Variants in MGAT5 observed in about 807,000 individuals in gnomAD.
MGAT5 encodes alpha-1,6-mannosylglycoprotein 6-beta-N-acetylglucosaminyltransferase A.
In MGAT5, 30 loss-of-function variants were observed where a neutral mutation model predicts 94.3. That is an observed-to-expected ratio of 0.32 (90% CI 0.24 to 0.43). The LOEUF (loss-of-function observed/expected upper bound fraction) is 0.43, where lower values mean the gene tolerates loss of function less well. Among genes scored for constraint, MGAT5 ranks in the 20% least tolerant of loss-of-function variants. MGAT5 has a pLI of 1.00. For synonymous variants in MGAT5, 310 were observed against 322.9 expected, an observed-to-expected ratio of 0.96 and a Z score of 0.43; for missense variants, 691 against 905.5, an observed-to-expected ratio of 0.76 and a Z score of 3.04.
intron 1 of MGAT5, among the ~76,000 whole-genome samples, chr2:134,236,568 G>C (rs1442606138): frequency 1.3e-5 from 2 of 152,064 alleles, no homozygotes; most frequent in Non-Finnish European, 2.9e-5. Context: ...GGCACTTCTT[G>C]CTGCCACCAT....
At chr2:134,421,985 TAC>T (rs1329161010) in intron 12 of MGAT5, among the ~76,000 whole-genome samples, 4 of 149,792 alleles carry the variant, frequency 2.7e-5, no homozygotes, top group African/African-American at 7.4e-5. Flanking sequence ...CTGGGCAACA[TAC>T]AGAGACCGTG....
At chr2:134,313,037 A>AACACACACACAC (rs201311442) in intron 2 of MGAT5, among the ~76,000 whole-genome samples, 2 of 139,192 alleles carry the variant, frequency 1.4e-5, no homozygotes, top group African/African-American at 5.6e-5. Context: ...GCAAGAAATA[A>AACACACACACAC]ACACACACAC....
chr2:134,257,810 A>G, intron 1 of MGAT5, among the ~76,000 whole-genome samples: 1 of 135,104 alleles, frequency 7.4e-6, no homozygotes, highest in Admixed American at 7.7e-5. Flanking sequence ...AGTGATGTGG[A>G]TGCATAGGCC....
chr2:134,368,640 T>C (rs116809708), intron 10 of MGAT5, among the ~76,000 whole-genome samples: 2,893 of 152,342 alleles, frequency 0.019, 41 homozygotes, highest in Non-Finnish European at 0.032. Context: ...AGTGATCTTT[T>C]CTAAAATGCA....
intron 11 of MGAT5, among the ~76,000 whole-genome samples, chr2:134,410,724 T>C (rs376057672): frequency 5.9e-5 from 9 of 152,346 alleles, no homozygotes; most frequent in South Asian, 2.1e-4. Flanking sequence ...TAGACAAACA[T>C]TGTGCTGCTT....
At chr2:134,344,839 T>A in intron 7 of MGAT5, 91 bp from the exon 8 acceptor site, 1 of 1,463,940 alleles carries the variant, frequency 6.8e-7, no homozygotes, top group Non-Finnish European at 9.3e-7. Context: ...ATTTTTGGGG[T>A]GGCATTTGCC....
intron 1 of MGAT5, among the ~76,000 whole-genome samples, chr2:134,155,458 T>C (rs1687431207): frequency 6.6e-6 from 1 of 152,226 alleles, no homozygotes; most frequent in African/African-American, 2.4e-5. Flanking sequence ...CTGAATTGAA[T>C]TGTGTCCTCA....
chr2:134,232,038 C>G (rs6749983), intron 1 of MGAT5, among the ~76,000 whole-genome samples: 13,693 of 152,214 alleles, frequency 0.09, 623 homozygotes, highest in East Asian at 0.15. Context: ...GACATGTCAC[C>G]TTTTCCTCAG....
intron 15 of MGAT5, among the ~76,000 whole-genome samples, chr2:134,446,505 A>C (rs943960625): frequency 3.3e-5 from 5 of 152,096 alleles, no homozygotes; most frequent in Admixed American, 3.3e-4. Context: ...TGTCATTCAG[A>C]ATTGAGTTCC....
At chr2:134,379,752 C>A (rs1443981501) in intron 10 of MGAT5, among the ~76,000 whole-genome samples, 1 of 152,202 alleles carries the variant, frequency 6.6e-6, no homozygotes, top group Non-Finnish European at 1.5e-5. Context: ...AAAATGTGAA[C>A]GTTTGGATGG....
intron 2 of MGAT5, among the ~76,000 whole-genome samples, chr2:134,298,242 T>C (rs1685802950): frequency 6.6e-6 from 1 of 152,062 alleles, no homozygotes; most frequent in Non-Finnish European, 1.5e-5. Context: ...ATTACAGACA[T>C]ATGCTACCAT....
intron 1 of MGAT5, among the ~76,000 whole-genome samples, chr2:134,194,680 G>A (rs1238423458): frequency 2.0e-5 from 3 of 152,094 alleles, no homozygotes; most frequent in African/African-American, 4.8e-5. Context: ...GATACTTCAA[G>A]GTAGATATAG....
intron 1 of MGAT5, among the ~76,000 whole-genome samples, chr2:134,183,070 G>A (rs1008828533): frequency 5.3e-5 from 8 of 152,204 alleles, no homozygotes; most frequent in East Asian, 1.9e-4. Context: ...GATTACAGGC[G>A]TGAGCCACCG....
At chr2:134,264,017 G>GTTTTTTTTTT (rs763608726) in intron 1 of MGAT5, among the ~76,000 whole-genome samples, 36 of 108,930 alleles carry the variant, frequency 3.3e-4, no homozygotes, top group East Asian at 1.2e-3. Context: ...ATGCCATTAG[G>GTTTTTTTTTT]TTTTTTTTTT....
At chr2:134,196,661 G>T (rs943034433) in intron 1 of MGAT5, among the ~76,000 whole-genome samples, 3 of 152,228 alleles carry the variant, frequency 2.0e-5, no homozygotes, top group Non-Finnish European at 4.4e-5. Flanking sequence ...TTTAGAGCAA[G>T]CTTGTCCAGA....
chr2:134,298,558 T>C (rs906456275), intron 2 of MGAT5, among the ~76,000 whole-genome samples: 1 of 152,208 alleles, frequency 6.6e-6, no homozygotes, highest in Non-Finnish European at 1.5e-5. Flanking sequence ...TTAGACACCA[T>C]GCGGATCATA....
At chr2:134,218,397 G>T (rs954089572) in intron 1 of MGAT5, among the ~76,000 whole-genome samples, 3 of 152,188 alleles carry the variant, frequency 2.0e-5, no homozygotes, top group African/African-American at 7.2e-5. Context: ...AGCCTTCATT[G>T]GTGTTCACTA....
chr2:134,255,452 C>A (rs1307412905), intron 1 of MGAT5, among the ~76,000 whole-genome samples: 1 of 149,884 alleles, frequency 6.7e-6, no homozygotes, highest in Non-Finnish European at 1.5e-5. Flanking sequence ...TGCATACACA[C>A]ACAAATATAT....
At chr2:134,329,606 G>A (rs979371998) in intron 4 of MGAT5, among the ~76,000 whole-genome samples, 5 of 152,074 alleles carry the variant, frequency 3.3e-5, no homozygotes, top group Admixed American at 1.3e-4. Context: ...GGCAAGACAG[G>A]TGGCATTTCC....
Sources: gnomAD v4.1 joint callset for allele counts (sites outside exome capture counted in the v4.1 genomes callset) on GRCh38, gnomAD v4.1.1 for gene constraint, MANE v1.5 for transcripts, NCBI Gene and HGNC (gene_info 2026-07-23, HGNC 2026-07-21) for gene names.